Variants in LRP1B observed in about 807,000 individuals in gnomAD.
The protein encoded by LRP1B is LDL receptor related protein 1B.
A neutral mutation model predicts 556.6 loss-of-function variants in LRP1B; 217 were observed. The observed-to-expected ratio is 0.39, with a 90% CI of 0.35 to 0.44. The LOEUF is 0.44. Ranked by LOEUF, LRP1B falls within the 20% of genes least tolerant of loss-of-function variation. The pLI, the probability that LRP1B is intolerant of heterozygous loss-of-function variation, is 1.00. For synonymous variants in LRP1B, 2,047 were observed against 1,865.8 expected, an observed-to-expected ratio of 1.10 and a Z score of -2.50; for missense variants, 5,053 against 5,620.8, an observed-to-expected ratio of 0.90 and a Z score of 3.23.
rs190930478 is a variant in LRP1B at position 140,348,204 on chromosome 2, T to C, written c.11892+2593A>G. Among the ~76,000 whole-genome samples the C allele has an allele frequency of 2.3e-3, 353 of 152,204 alleles. 1 individual carries two copies. The highest frequency in any genetic ancestry group is 4.3e-3 in the Non-Finnish European group (291 of 67,960). On this transcript the variant is annotated intron_variant, in intron 77 of 90. Transcript: ENST00000389484. The stretch of plus-strand genomic sequence containing the variant: ...AGATGTGATATGCCTTTCAAGTTAG[T>C]TGCTCTACAATTCACATTACTCATT...
At chr2:141,534,056 TGA>T (rs574882716) in intron 2 of LRP1B, among the ~76,000 whole-genome samples, 2 of 151,114 alleles carry the variant, frequency 1.3e-5, no homozygotes, top group Non-Finnish European at 3.0e-5. Context: ...AAAGAGAGTG[TGA>T]GAGAGAGAGA....
intron 1 of LRP1B, among the ~76,000 whole-genome samples, chr2:141,946,667 T>G (rs1700962433): frequency 6.6e-6 from 1 of 152,182 alleles, no homozygotes; most frequent in African/African-American, 2.4e-5. Flanking sequence ...TCAATAGTTT[T>G]GGGGCTTGTA....
chr2:141,946,197 C>T (rs926432919), intron 1 of LRP1B, among the ~76,000 whole-genome samples: 29 of 152,234 alleles, frequency 1.9e-4, no homozygotes, highest in African/African-American at 6.3e-4. Context: ...TCACAAAGTT[C>T]TTCCTGCCTG....
chr2:141,365,644 T>G (rs1688997348), intron 3 of LRP1B, among the ~76,000 whole-genome samples: 2 of 150,284 alleles, frequency 1.3e-5, no homozygotes, highest in African/African-American at 2.4e-5. Flanking sequence ...TGTTTTGGTT[T>G]GTTTTTGTTG....
rs1429208067 is a variant in LRP1B at position 141,314,830 on chromosome 2, G to GTATA, written c.344-60193_344-60190dup. Among the ~76,000 whole-genome samples, 20 of 124,296 alleles carry GTATA rather than the reference G, an allele frequency of 1.6e-4. No homozygotes were observed. In the East Asian group the frequency reaches 2.3e-3, roughly 14 times the overall value. The allele number at this position is 124,296 out of a possible 152,430, so 81.5% of individuals were successfully genotyped here. On this transcript the variant is annotated intron_variant, in intron 3 of 90. Coordinates refer to ENST00000389484, the MANE Select transcript of LRP1B (RefSeq NM_018557.3). ...AAAATTTATATATATATATATATGT[G>GTATA]TATATATATATATACACATATATAT...
At chr2:140,931,126 C>A (rs564218043) in intron 20 of LRP1B, among the ~76,000 whole-genome samples, 1 of 152,076 alleles carries the variant, frequency 6.6e-6, no homozygotes. Flanking sequence ...GGGATAAACT[C>A]CCTAGGGGAT....
chr2:142,048,197 T>C (rs983613049), intron 1 of LRP1B, among the ~76,000 whole-genome samples: 2 of 152,094 alleles, frequency 1.3e-5, no homozygotes, highest in Non-Finnish European at 2.9e-5. Flanking sequence ...AGTTTTTTTC[T>C]GCCTTGTTGA....
chr2:141,229,539 A>T, intron 5 of LRP1B, 99 bp from the exon 6 acceptor site: 1 of 900,438 alleles, frequency 1.1e-6, no homozygotes, highest in Non-Finnish European at 1.7e-6. Context: ...TACTTTTAAT[A>T]AATTCATAAC....
intron 77 of LRP1B, among the ~76,000 whole-genome samples, chr2:140,339,393 A>G (rs1681258033): frequency 6.6e-6 from 1 of 151,764 alleles, no homozygotes. Context: ...ACAGTTAGCA[A>G]TATACTTTAA....
At chr2:140,647,045 A>G (rs1684510044) in intron 41 of LRP1B, among the ~76,000 whole-genome samples, 1 of 152,174 alleles carries the variant, frequency 6.6e-6, no homozygotes, top group Non-Finnish European at 1.5e-5. Flanking sequence ...GATTTTGAAC[A>G]CTAATGGGAA....
chr2:140,280,117 C>T (rs1024994337), intron 84 of LRP1B, among the ~76,000 whole-genome samples: 6 of 151,406 alleles, frequency 4.0e-5, no homozygotes, highest in African/African-American at 1.5e-4. Context: ...TAGTAATTTC[C>T]CCAAAAATAA....
At chr2:141,443,432 G>A (rs1332797516) in intron 3 of LRP1B, among the ~76,000 whole-genome samples, 1 of 152,026 alleles carries the variant, frequency 6.6e-6, no homozygotes, top group Non-Finnish European at 1.5e-5. Context: ...CTCTTTAGTT[G>A]AATTAGATCT....
rs566233566 is a variant in LRP1B, at chr2:141,048,126, G to A, written c.1789+860C>T. Reference sequence around the variant, plus strand: ...AATTCCTTTTATCTCCTGCGATATAGCTATCGTGATGTCCTTCATACAATA... The same window carrying A: ...AATTCCTTTTATCTCCTGCGATATAACTATCGTGATGTCCTTCATACAATA... On this transcript the variant is annotated intron_variant, in intron 11 of 90. Transcript: ENST00000389484. Among the ~76,000 whole-genome samples, 59 of 152,160 alleles carry A rather than the reference G, an allele frequency of 3.9e-4. 1 individual carries two copies. The South Asian group carries it at 0.012, about 31-fold the overall frequency.
chr2:140,402,460 T>C (rs1684548047), intron 66 of LRP1B, among the ~76,000 whole-genome samples: 1 of 152,192 alleles, frequency 6.6e-6, no homozygotes, highest in South Asian at 2.1e-4. Context: ...TCACAGTGAC[T>C]GCATCCCCAC....
chr2:140,438,055 G>C (rs891966894), intron 66 of LRP1B, among the ~76,000 whole-genome samples: 1 of 152,130 alleles, frequency 6.6e-6, no homozygotes, highest in Non-Finnish European at 1.5e-5. Context: ...GTCTGTGTCT[G>C]TCACCTAGGC....
At chr2:142,083,144 C>T (rs796382664) in intron 1 of LRP1B, among the ~76,000 whole-genome samples, 10 of 152,168 alleles carry the variant, frequency 6.6e-5, no homozygotes, top group African/African-American at 2.2e-4. Flanking sequence ...AAACACAGCC[C>T]GAAGGAACAA....
chr2:140,500,355 C>G (rs755195067), intron 55 of LRP1B, among the ~76,000 whole-genome samples: 1 of 151,836 alleles, frequency 6.6e-6, no homozygotes, highest in African/African-American at 2.4e-5. Flanking sequence ...TTAAAAACAG[C>G]AAATTGGTTG....
intron 14 of LRP1B, among the ~76,000 whole-genome samples, chr2:141,008,433 A>G (rs2105377846): frequency 6.6e-6 from 1 of 151,250 alleles, no homozygotes; most frequent in African/African-American, 2.4e-5. Context: ...TTATTTATAA[A>G]TAATTAGAAA....
chr2:140,800,891 C>G (rs1690484122), intron 32 of LRP1B, among the ~76,000 whole-genome samples: 2 of 152,072 alleles, frequency 1.3e-5, no homozygotes, highest in Non-Finnish European at 2.9e-5. Flanking sequence ...CATTTCAATT[C>G]AAATCCTAAT....
Sources: gnomAD v4.1 joint callset for allele counts (sites outside exome capture counted in the v4.1 genomes callset) on GRCh38, gnomAD v4.1.1 for gene constraint, MANE v1.5 for transcripts, NCBI Gene and HGNC (gene_info 2026-07-23, HGNC 2026-07-21) for gene names.